KCNQ3: variants seen among roughly 807,000 people sequenced by gnomAD.
KCNQ3 encodes potassium voltage-gated channel subfamily KQT member 3.
KCNQ3 carries 30 observed loss-of-function variants against 92.5 expected under a neutral mutation model. The observed-to-expected ratio is 0.32, with a 90% CI of 0.24 to 0.44. KCNQ3 has a LOEUF of 0.44. Ranked by LOEUF, KCNQ3 falls within the 20% of genes least tolerant of loss-of-function variation. The pLI, the probability that KCNQ3 is intolerant of heterozygous loss-of-function variation, is 1.00. For synonymous variants in KCNQ3, 450 were observed against 468.8 expected (o/e 0.96, Z 0.52); for missense variants, 913 against 1,140.3 (o/e 0.80, Z 2.87).
intron 1 of KCNQ3, among the ~76,000 whole-genome samples, chr8:132,318,894 T>C (rs1817817228): frequency 6.6e-6 from 1 of 152,184 alleles, no homozygotes; most frequent in Non-Finnish European, 1.5e-5. Context: ...GAGAAGTACC[T>C]TGAATTGGCT....
chr8:132,170,790 T>A (rs1826310863), intron 7 of KCNQ3, among the ~76,000 whole-genome samples: 2 of 149,146 alleles, frequency 1.3e-5, no homozygotes, highest in Admixed American at 1.3e-4. Flanking sequence ...GGTGGGAGGA[T>A]CACTTGAGGC....
chr8:132,215,931 T>C (rs1407257916), intron 1 of KCNQ3, among the ~76,000 whole-genome samples: 1 of 152,204 alleles, frequency 6.6e-6, no homozygotes, highest in Non-Finnish European at 1.5e-5. Flanking sequence ...CGCCTCATCT[T>C]ATAGTCCAGT....
intron 1 of KCNQ3, among the ~76,000 whole-genome samples, chr8:132,334,030 T>G (rs1037000911): frequency 1.3e-5 from 2 of 151,832 alleles, no homozygotes; most frequent in African/African-American, 4.8e-5. Flanking sequence ...ATGAAACAAG[T>G]TTTAACAGGA....
intron 1 of KCNQ3, among the ~76,000 whole-genome samples, chr8:132,195,020 C>T (rs1321198711): frequency 1.3e-5 from 2 of 152,172 alleles, no homozygotes; most frequent in African/African-American, 4.8e-5. Flanking sequence ...TCCACTTCTG[C>T]CAAACCCCAC....
chr8:132,336,826 C>T (rs1423010937), intron 1 of KCNQ3, among the ~76,000 whole-genome samples: 2 of 152,198 alleles, frequency 1.3e-5, no homozygotes, highest in African/African-American at 4.8e-5. Context: ...CTAAAATGAT[C>T]ATAGGCACAG....
intron 1 of KCNQ3, among the ~76,000 whole-genome samples, chr8:132,234,132 A>T (rs1188927293): frequency 1.3e-5 from 2 of 152,186 alleles, no homozygotes; most frequent in Admixed American, 6.5e-5. Flanking sequence ...GAGCCTACAT[A>T]GCTCAACAGT....
chr8:132,457,648 T>C (rs1278676439), intron 1 of KCNQ3, among the ~76,000 whole-genome samples: 2 of 152,156 alleles, frequency 1.3e-5, no homozygotes, highest in African/African-American at 2.4e-5. Flanking sequence ...CAGAGCTCTA[T>C]CCCGGAACCC....
intron 8 of KCNQ3, among the ~76,000 whole-genome samples, chr8:132,168,103 C>T (rs1826193606): frequency 6.6e-6 from 1 of 152,160 alleles, no homozygotes; most frequent in Non-Finnish European, 1.5e-5. Flanking sequence ...TCCTCTGACC[C>T]CTCTAACTCT....
At chr8:132,225,989 T>C (rs1160105981) in intron 1 of KCNQ3, among the ~76,000 whole-genome samples, 1 of 152,060 alleles carries the variant, frequency 6.6e-6, no homozygotes. Flanking sequence ...TGGAGGATTT[T>C]GGCCAGGCAT....
chr8:132,377,341 CAA>C (rs1234855812), intron 1 of KCNQ3, among the ~76,000 whole-genome samples: 1 of 152,188 alleles, frequency 6.6e-6, no homozygotes, highest in Non-Finnish European at 1.5e-5. Flanking sequence ...GACAGCAGAT[CAA>C]GAGACTTCTC....
intron 1 of KCNQ3, among the ~76,000 whole-genome samples, chr8:132,420,099 C>T (rs1820928536): frequency 6.6e-6 from 1 of 152,162 alleles, no homozygotes; most frequent in African/African-American, 2.4e-5. Context: ...GGGGTGCAGA[C>T]TGACACCTTC....
chr8:132,419,615 A>G (rs6984016), intron 1 of KCNQ3, among the ~76,000 whole-genome samples: 2,075 of 152,288 alleles, frequency 0.014, 39 homozygotes, highest in African/African-American at 0.048. Flanking sequence ...GTGCCCTCAG[A>G]GAGTGCTCTC....
At chr8:132,203,260 A>G (rs1447494671) in intron 1 of KCNQ3, among the ~76,000 whole-genome samples, 1 of 152,116 alleles carries the variant, frequency 6.6e-6, no homozygotes, top group Non-Finnish European at 1.5e-5. Flanking sequence ...GCACTTTAGG[A>G]GACACATTTA....
At chr8:132,428,526 C>CACAA (rs1821167367) in intron 1 of KCNQ3, among the ~76,000 whole-genome samples, 1 of 151,880 alleles carries the variant, frequency 6.6e-6, no homozygotes, top group South Asian at 2.1e-4. Flanking sequence ...GGAGAAAATT[C>CACAA]ACACACACAC....
chr8:132,331,149 G>A (rs960103110), intron 1 of KCNQ3, among the ~76,000 whole-genome samples: 3 of 152,112 alleles, frequency 2.0e-5, no homozygotes, highest in African/African-American at 7.2e-5. Context: ...CCCTTTACCA[G>A]GAGAACTCCA....
At chr8:132,431,729 G>C (rs1821257293) in intron 1 of KCNQ3, among the ~76,000 whole-genome samples, 1 of 152,214 alleles carries the variant, frequency 6.6e-6, no homozygotes, top group South Asian at 2.1e-4. Flanking sequence ...ATTCTTCACT[G>C]TCATGGCCTT....
At chr8:132,403,032 A>AAAAAAAAAAAAAAAAAAAAAAAAAAAT (rs61533581) in intron 1 of KCNQ3, among the ~76,000 whole-genome samples, 1 of 148,660 alleles carries the variant, frequency 6.7e-6, no homozygotes. Context: ...AAAAAAAAAA[A>AAAAAAAAAAAAAAAAAAAAAAAAAAAT]GTGTCAATAT....
At chr8:132,242,860 A>C (rs2130412781) in intron 1 of KCNQ3, among the ~76,000 whole-genome samples, 1 of 152,350 alleles carries the variant, frequency 6.6e-6, no homozygotes, top group South Asian at 2.1e-4. Flanking sequence ...TGTGGAGTAG[A>C]CTTCATTTTC....
chr8:132,441,627 G>A (rs771358612), intron 1 of KCNQ3, among the ~76,000 whole-genome samples: 2 of 152,148 alleles, frequency 1.3e-5, no homozygotes, highest in Admixed American at 6.5e-5. Context: ...ATATTCCTTT[G>A]GGTATATACC....
Sources: allele counts gnomAD v4.1 joint callset (sites outside exome capture counted in the v4.1 genomes callset), GRCh38; gene constraint gnomAD v4.1.1; transcripts MANE v1.5; gene names NCBI Gene and HGNC (gene_info 2026-07-23, HGNC 2026-07-21).